EIF3J: variants seen among roughly 807,000 people sequenced by gnomAD.
The protein encoded by EIF3J is eukaryotic translation initiation factor 3, subunit 1 (alpha, 35kD).
EIF3J carries 15 observed loss-of-function variants against 39.0 expected under a neutral mutation model. The observed-to-expected ratio is 0.38, with a 90% confidence interval of 0.26 to 0.59. The LOEUF (loss-of-function observed/expected upper bound fraction) is 0.59, where lower values mean the gene tolerates loss of function less well. Ranked by LOEUF, EIF3J falls within the 20% of genes least tolerant of loss-of-function variation. The probability of loss-of-function intolerance (pLI) is 0.60; values close to 1 mark genes in which losing one functional copy is unlikely to be tolerated. For missense variants in EIF3J, 226 were observed against 308.6 expected (o/e 0.73, Z 2.00); for synonymous variants, 98 against 112.9 (o/e 0.87, Z 0.84).
chr15:44,556,969 A>G (rs529576438), intron 5 of EIF3J, among the ~76,000 whole-genome samples: 2 of 152,296 alleles, frequency 1.3e-5, no homozygotes, highest in African/African-American at 4.8e-5. Context: ...TGGCCTTGAT[A>G]TATTGTTTTT....
intron 6 of EIF3J, chr15:44,559,236 T>TTA (rs113046115): frequency 8.1e-6 from 1 of 123,828 alleles, no homozygotes; most frequent in Admixed American, 8.5e-5. Flanking sequence ...TCATCTCTAT[T>TTA]AAAAAAAAAA....
chr15:44,556,466 CG>C (rs2082145084), intron 5 of EIF3J, among the ~76,000 whole-genome samples: 1 of 152,112 alleles, frequency 6.6e-6, no homozygotes, highest in Non-Finnish European at 1.5e-5. Context: ...CTCAGCCTCC[CG>C]GGTAGCGAGG....
At chr15:44,540,267 ATTTT>A (rs71111863) in intron 2 of EIF3J, among the ~76,000 whole-genome samples, 10,275 of 60,646 alleles carry the variant, frequency 0.17, 703 homozygotes, top group Middle Eastern at 0.3. Flanking sequence ...ATATATATAT[ATTTT>A]TTTTTTTTTT....
intron 7 of EIF3J, 35 bp from the exon 8 acceptor site, chr15:44,560,983 C>G: frequency 6.2e-7 from 1 of 1,608,538 alleles, no homozygotes; most frequent in Non-Finnish European, 8.5e-7. Context: ...CCATAGCACA[C>G]TAAGGTTCAT....
At position 44,554,560 on chromosome 15, in the gene EIF3J, A is replaced by C; in HGVS notation, c.302A>C (p.Glu101Ala). ...RQEEIKKRLE[E>A]PEEPKVLTPE... ...ACTTTTGTCTCATTTTAGTTAGAAGAACCCGAAGAACCTAAAGTGCTAACA... is the reference window on the plus strand; with the variant it reads ...ACTTTTGTCTCATTTTAGTTAGAAGCACCCGAAGAACCTAAAGTGCTAACA... Residue 101 changes from glutamate to alanine, a missense_variant, in exon 5 of 8, where the codon GAA (glutamate) becomes GCA (alanine). This residue lies in a region of EIF3J where 143 missense variants were observed against 156.0 expected (regional missense o/e 0.92). Transcript: ENST00000261868. 6.2e-7 allele frequency: 1 copy of C among 1,606,662 alleles called. No individual in the cohort carries two copies. Among genetic ancestry groups the C allele is most frequent in the African/African-American group, 1.3e-5 (1 of 74,648 alleles).
chr15:44,544,095 TTTC>T (rs1429288769), intron 2 of EIF3J, among the ~76,000 whole-genome samples: 49 of 8,896 alleles, frequency 5.5e-3, no homozygotes, highest in South Asian at 0.027. Flanking sequence ...TTTCTTTTCT[TTTC>T]TTTTTTTTTT....
intron 2 of EIF3J, among the ~76,000 whole-genome samples, chr15:44,539,026 C>CT (rs942051829): frequency 0.055 from 7,512 of 136,250 alleles, 224 homozygotes; most frequent in Non-Finnish European, 0.061. Context: ...GAATATAATT[C>CT]TTTTTTTTTT....
chr15:44,559,682 G>C (rs2082175316), intron 6 of EIF3J, among the ~76,000 whole-genome samples: 2 of 151,390 alleles, frequency 1.3e-5, no homozygotes, highest in Admixed American at 1.3e-4. Context: ...ACTCCAACCT[G>C]GGTGACAGAG....
intron 2 of EIF3J, among the ~76,000 whole-genome samples, chr15:44,542,608 A>G (rs894091718): frequency 5.3e-5 from 8 of 152,244 alleles, no homozygotes; most frequent in African/African-American, 1.9e-4. Context: ...ATTGTTAGAA[A>G]TAAAAAGAAA....
intron 5 of EIF3J, among the ~76,000 whole-genome samples, chr15:44,555,815 TGGA>T (rs2082139889): frequency 1.3e-5 from 2 of 152,204 alleles, no homozygotes; most frequent in African/African-American, 4.8e-5. Flanking sequence ...CTACTTGACA[TGGA>T]GGATACAGAA....
Position 44,561,201 on chromosome 15 carries a change from A to G in EIF3J, c.*52A>G, listed in dbSNP as rs750714653. ...TTATGTTGCCCACAATCCCTTGAAC[A>G]TGTAGCACAACTTCCTTTCCTTTCA... On this transcript the variant is annotated 3_prime_UTR_variant, in exon 8 of 8. Transcript: ENST00000261868. 2.6e-6 allele frequency: 4 copies of G among 1,565,578 alleles called. No individual in the cohort carries two copies. The highest frequency in any genetic ancestry group is 2.6e-6 in the Non-Finnish European group (3 of 1,156,680).
At chr15:44,543,095 A>C (rs1423036933) in intron 2 of EIF3J, among the ~76,000 whole-genome samples, 1 of 152,224 alleles carries the variant, frequency 6.6e-6, no homozygotes, top group African/African-American at 2.4e-5. Context: ...TATTTTTTGA[A>C]GCAGCGTGGT....
At chr15:44,546,264 A>G (rs545865627) in intron 2 of EIF3J, among the ~76,000 whole-genome samples, 2 of 152,324 alleles carry the variant, frequency 1.3e-5, no homozygotes, top group East Asian at 3.9e-4. Context: ...TTTGCTTTCA[A>G]TCTGTTAAAA....
chr15:44,542,139 G>A (rs1418948275), intron 2 of EIF3J, among the ~76,000 whole-genome samples: 1 of 152,106 alleles, frequency 6.6e-6, no homozygotes, highest in East Asian at 1.9e-4. Context: ...TTAATGAATT[G>A]AATTAAATGA....
Position 44,550,901 on chromosome 15 carries a change from A to C in EIF3J, c.173A>C (p.Glu58Ala). The change falls in exon 3 of 8, where the codon GAA becomes GCA. Residue 58 changes from glutamate to alanine, a missense_variant. By Grantham distance (107) the Glu-to-Ala change is moderately radical. Transcript: ENST00000261868. ...GATAACTGGGATGACGATGATGATG[A>C]AAAAAAAGAGGAAGCAGAAGTAAAA... ...VKDNWDDDDD[E>A]KKEEAEVKPE... The C allele has an allele frequency of 6.2e-7, 1 of 1,603,536 alleles. No individual in the cohort carries two copies. Among genetic ancestry groups the C allele is most frequent in the Non-Finnish European group, 8.5e-7 (1 of 1,173,278 alleles).
At chr15:44,546,445 G>T (rs1364077907) in intron 2 of EIF3J, among the ~76,000 whole-genome samples, 1 of 152,164 alleles carries the variant, frequency 6.6e-6, no homozygotes, top group Non-Finnish European at 1.5e-5. Context: ...ACCAAGGCTT[G>T]GTTAGTTTAT....
chr15:44,545,107 T>C (rs1201273859), intron 2 of EIF3J, among the ~76,000 whole-genome samples: 1 of 152,196 alleles, frequency 6.6e-6, no homozygotes, highest in Non-Finnish European at 1.5e-5. Context: ...TGTGTAATAA[T>C]CCTTCTCTTT....
intron 2 of EIF3J, among the ~76,000 whole-genome samples, chr15:44,546,956 G>C (rs1050311478): frequency 4.0e-5 from 6 of 150,298 alleles, no homozygotes; most frequent in African/African-American, 1.2e-4. Flanking sequence ...TGAGTGGCTA[G>C]GATTACGGGC....
intron 3 of EIF3J, 147 bp downstream of exon 3, chr15:44,551,077 T>C: frequency 7.5e-7 from 1 of 1,338,128 alleles, no homozygotes; most frequent in Non-Finnish European, 9.9e-7. Flanking sequence ...TTATTCTGTT[T>C]TCCCTGCAAC....
Sources: allele counts gnomAD v4.1 joint callset (sites outside exome capture counted in the v4.1 genomes callset), GRCh38; gene constraint gnomAD v4.1.1; regional missense constraint gnomAD v4.1.1; transcripts MANE v1.5; gene names NCBI Gene and HGNC (gene_info 2026-07-23, HGNC 2026-07-21).